Variants in DAPK1 observed in about 807,000 individuals in gnomAD.
DAPK1 encodes death-associated protein kinase 1.
Under a neutral mutation model 144.9 loss-of-function variants are expected in DAPK1, and 56 were observed. The observed-to-expected ratio is 0.39, with a 90% confidence interval of 0.31 to 0.48. The LOEUF is 0.48. DAPK1 is among the 20% of genes least tolerant of loss of function. The pLI, the probability that DAPK1 is intolerant of heterozygous loss-of-function variation, is 0.95. For missense variants in DAPK1, 1,454 were observed against 1,875.4 expected, an observed-to-expected ratio of 0.78 and a Z score of 4.15; for synonymous variants, 690 against 749.0, an observed-to-expected ratio of 0.92 and a Z score of 1.29.
chr9:87,660,914 G>A (rs147306237), intron 18 of DAPK1, among the ~76,000 whole-genome samples: 222 of 152,154 alleles, frequency 1.5e-3, no homozygotes, highest in African/African-American at 4.5e-3. Context: ...AGGCAATCTC[G>A]GCTCACTGCA....
In DAPK1 at chr9:87,655,957, C is replaced by T. The variant is rs116688109; in HGVS notation, c.1825-2072C>T. ...GCGCAGAGGGAGGAACTCGTAGATG[C>T]CAAGGTGAATGGCTTTGCCCTCAGG... On this transcript the variant is annotated intron_variant, in intron 17 of 25. Transcript: ENST00000408954. Among the ~76,000 whole-genome samples the T allele has an allele frequency of 3.6e-3, 549 of 152,314 alleles. 6 individuals are homozygous for T. Among genetic ancestry groups the T allele is most frequent in the African/African-American group, 0.012 (500 of 41,564 alleles).
intron 2 of DAPK1, among the ~76,000 whole-genome samples, chr9:87,556,381 C>T (rs540155263): frequency 6.6e-6 from 1 of 152,332 alleles, no homozygotes; most frequent in East Asian, 1.9e-4. Flanking sequence ...AGGGTGCCCA[C>T]GTGTGTGTAC....
chr9:87,558,103 A>G (rs2118627722), intron 2 of DAPK1, among the ~76,000 whole-genome samples: 1 of 152,324 alleles, frequency 6.6e-6, no homozygotes, highest in East Asian at 1.9e-4. Flanking sequence ...GGTCCTGCCC[A>G]GTGTGGTAAT....
At chr9:87,525,522 A>G (rs1825474830) in intron 2 of DAPK1, 2 of 1,141,358 alleles carry the variant, frequency 1.8e-6, no homozygotes. Flanking sequence ...TCAATGAAAA[A>G]CCATGATAGT....
At chr9:87,613,764 C>T (rs550398234) in intron 3 of DAPK1, among the ~76,000 whole-genome samples, 1 of 152,236 alleles carries the variant, frequency 6.6e-6, no homozygotes, top group South Asian at 2.1e-4. Flanking sequence ...GGCACAGAGC[C>T]CTTCAGTCTC....
At chr9:87,611,173 TAAA>T (rs747082054) in intron 3 of DAPK1, among the ~76,000 whole-genome samples, 28 of 152,106 alleles carry the variant, frequency 1.8e-4, no homozygotes, top group South Asian at 6.2e-4. Context: ...ATGATTTTTT[TAAA>T]AAATATACAG....
intron 2 of DAPK1, among the ~76,000 whole-genome samples, chr9:87,528,201 G>GTTTTCTT (rs1264835018): frequency 1.4e-5 from 2 of 144,790 alleles, no homozygotes; most frequent in African/African-American, 5.2e-5. Flanking sequence ...GTTACAGTGC[G>GTTTTCTT]TTTTCTTTTC....
At chr9:87,632,068 G>T in intron 3 of DAPK1, 1 of 771,608 alleles carries the variant, frequency 1.3e-6, no homozygotes, top group Non-Finnish European at 1.6e-6. Context: ...ATGTAAGGAT[G>T]AAAGTTAATT....
intron 8 of DAPK1, 136 bp from the exon 9 acceptor site, chr9:87,640,666 C>T (rs892538209): frequency 2.1e-5 from 22 of 1,062,578 alleles, no homozygotes; most frequent in African/African-American, 9.4e-5. Flanking sequence ...ACAAAAAGAC[C>T]GATGTTGTTT....
chr9:87,636,231 G>A (rs1429901257), intron 3 of DAPK1, among the ~76,000 whole-genome samples: 1 of 152,124 alleles, frequency 6.6e-6, no homozygotes, highest in African/African-American at 2.4e-5. Flanking sequence ...GACACCTTTC[G>A]CTTGGACTCC....
At chr9:87,530,094 C>T (rs896102593) in intron 2 of DAPK1, among the ~76,000 whole-genome samples, 1 of 152,190 alleles carries the variant, frequency 6.6e-6, no homozygotes, top group Admixed American at 6.5e-5. Context: ...TAGGCTTTCC[C>T]CCTCTGGGAT....
chr9:87,513,881 C>G (rs1824946250), intron 2 of DAPK1, among the ~76,000 whole-genome samples: 1 of 152,152 alleles, frequency 6.6e-6, no homozygotes, highest in Admixed American at 6.5e-5. Flanking sequence ...TTAGTGACAG[C>G]CTGTTCTGGA....
chr9:87,509,520 C>A (rs1324679210), intron 2 of DAPK1, among the ~76,000 whole-genome samples: 1 of 152,098 alleles, frequency 6.6e-6, no homozygotes, highest in African/African-American at 2.4e-5. Context: ...ACCACCACGC[C>A]CCGCTAATTT....
chr9:87,584,664 TTGTGTGTG>T (rs113125719), intron 2 of DAPK1, among the ~76,000 whole-genome samples: 2 of 140,404 alleles, frequency 1.4e-5, no homozygotes, highest in African/African-American at 2.5e-5. Context: ...TGATAGCTCA[TTGTGTGTG>T]TGTGTGTGTG....
chr9:87,655,953 G>A (rs1401411773), intron 17 of DAPK1, among the ~76,000 whole-genome samples: 4 of 152,232 alleles, frequency 2.6e-5, no homozygotes, highest in African/African-American at 7.2e-5. Context: ...GGAACTCGTA[G>A]ATGCCAAGGT....
intron 3 of DAPK1, among the ~76,000 whole-genome samples, chr9:87,615,095 C>A (rs1829050779): frequency 6.6e-6 from 1 of 152,202 alleles, no homozygotes; most frequent in Admixed American, 6.5e-5. Flanking sequence ...CCCAAGACGT[C>A]CTTGAGCCCC....
chr9:87,643,416 G>A lies in DAPK1; in HGVS notation c.959G>A (p.Arg320Lys), dbSNP rs780689618. 1 of 1,602,468 alleles carries A rather than the reference G, an allele frequency of 6.2e-7. No homozygotes were observed. Among genetic ancestry groups the A allele is most frequent in the Non-Finnish European group, 8.5e-7 (1 of 1,176,948 alleles). Reference sequence around the variant, plus strand: ...ATATCACTGTGCCAAAGATTATCCAGGTCATTCCTGTCCAGAAGTAACATG... The same window carrying A: ...ATATCACTGTGCCAAAGATTATCCAAGTCATTCCTGTCCAGAAGTAACATG... ...RLISLCQRLS[R>K]SFLSRSNMSV... The change falls in exon 11 of 26, where the codon AGG becomes AAG. Residue 320 changes from arginine (R) to lysine (K), a missense_variant. By Grantham distance (26) the Arg-to-Lys change is conservative. Coordinates refer to ENST00000408954, the MANE Select transcript of DAPK1 (RefSeq NM_004938.4).
At chr9:87,621,970 A>G (rs1356751809) in intron 3 of DAPK1, among the ~76,000 whole-genome samples, 2 of 151,684 alleles carry the variant, frequency 1.3e-5, no homozygotes, top group Non-Finnish European at 2.9e-5. Context: ...CCTCTCTCCA[A>G]GGGCATCCTT....
chr9:87,615,880 A>G (rs1034552350), intron 3 of DAPK1, among the ~76,000 whole-genome samples: 2 of 152,194 alleles, frequency 1.3e-5, no homozygotes, highest in Non-Finnish European at 2.9e-5. Context: ...TCTTGGAGAG[A>G]GAATTCTTTT....
Sources: gnomAD v4.1 joint callset for allele counts (sites outside exome capture counted in the v4.1 genomes callset) on GRCh38, gnomAD v4.1.1 for gene constraint, MANE v1.5 for transcripts, NCBI Gene and HGNC (gene_info 2026-07-23, HGNC 2026-07-21) for gene names.